FBXL20: variants seen among roughly 807,000 people sequenced by gnomAD.
FBXL20 encodes F-box and leucine rich repeat protein 20, also known as F-box/LRR-repeat protein 20.
Under a neutral mutation model 64.0 loss-of-function variants are expected in FBXL20, and 11 were observed. The ratio of observed to expected loss-of-function variants is 0.17; its 90% CI spans 0.11 to 0.28. FBXL20 has a LOEUF of 0.28. Ranked by LOEUF, FBXL20 falls within the 10% of genes least tolerant of loss-of-function variation. FBXL20 has a pLI of 1.00. For synonymous variants in FBXL20, 184 were observed against 189.0 expected (o/e 0.97, Z 0.22); for missense variants, 303 against 526.2 (o/e 0.58, Z 4.15).
intron 3 of FBXL20, among the ~76,000 whole-genome samples, chr17:39,302,407 T>G (rs1465894565): frequency 6.6e-6 from 1 of 150,928 alleles, no homozygotes; most frequent in Non-Finnish European, 1.5e-5. Context: ...GGAGTCTCGT[T>G]CTGTCGCCCA....
At chr17:39,276,650 C>A (rs2046898602) in intron 9 of FBXL20, among the ~76,000 whole-genome samples, 1 of 152,100 alleles carries the variant, frequency 6.6e-6, no homozygotes, top group African/African-American at 2.4e-5. Flanking sequence ...GCCTGGGCGA[C>A]AGCCTCAGCC....
At chr17:39,402,277 C>A, upstream of FBXL20, 3 of 1,187,510 alleles carry the variant, frequency 2.5e-6, no homozygotes, top group Non-Finnish European at 3.1e-6. Flanking sequence ...GCCGCGCCTC[C>A]GCGGTTGCCG....
At chr17:39,346,055 C>T (rs909331861) in intron 1 of FBXL20, among the ~76,000 whole-genome samples, 1 of 152,100 alleles carries the variant, frequency 6.6e-6, no homozygotes, top group Non-Finnish European at 1.5e-5. Context: ...GGAGTGGTAG[C>T]TCATGCCTGT....
At chr17:39,345,528 C>T (rs1400942980) in intron 1 of FBXL20, among the ~76,000 whole-genome samples, 1 of 150,670 alleles carries the variant, frequency 6.6e-6, no homozygotes, top group East Asian at 1.9e-4. Flanking sequence ...CCCTCAATTT[C>T]ATTTAAAGAA....
intron 2 of FBXL20, among the ~76,000 whole-genome samples, chr17:39,326,796 A>T (rs1344054322): frequency 6.7e-6 from 1 of 150,282 alleles, no homozygotes; most frequent in Non-Finnish European, 1.5e-5. Context: ...ACATATATAC[A>T]CACACGCTTT....
intron 1 of FBXL20, among the ~76,000 whole-genome samples, chr17:39,395,987 T>C (rs1453060372): frequency 6.8e-6 from 1 of 147,104 alleles, no homozygotes; most frequent in Admixed American, 6.8e-5. Flanking sequence ...ACCACAGTCA[T>C]TCAAAGCCAA....
rs1445408962 is a variant in FBXL20 at position 39,253,644 on chromosome 17, G to A, written c.*7816C>T. 6.6e-6 allele frequency: 1 copy of A among 152,252 alleles called. No homozygotes were observed. Among genetic ancestry groups the A allele is most frequent in the Non-Finnish European group, 1.5e-5 (1 of 68,020 alleles). 9.4% of individuals were successfully genotyped at this position (152,252 alleles called of 1,614,324 possible). On this transcript the variant is annotated 3_prime_UTR_variant, in exon 15 of 15. Transcript: ENST00000264658. ...AGTTAGTGTGTAATTTGGAAGTAGG[G>A]TGAGGAGGGGAGTGAGAAGAAATCA...
chr17:39,319,732 A>C (rs934389367), intron 2 of FBXL20, among the ~76,000 whole-genome samples: 2 of 150,040 alleles, frequency 1.3e-5, no homozygotes, highest in African/African-American at 4.9e-5. Context: ...GAGGTAGTGA[A>C]GGCCAGAAAA....
At chr17:39,357,205 G>A (rs1468738441) in intron 1 of FBXL20, among the ~76,000 whole-genome samples, 2 of 151,014 alleles carry the variant, frequency 1.3e-5, no homozygotes, top group African/African-American at 4.9e-5. Flanking sequence ...CCCGGGAGGA[G>A]GAGGTTGAAG....
At chr17:39,268,733 T>C (rs560234971) in intron 12 of FBXL20, 94 bp downstream of exon 12, 82 of 1,068,192 alleles carry the variant, frequency 7.7e-5, no homozygotes, top group Middle Eastern at 6.5e-4. Flanking sequence ...CACTACAGTA[T>C]CCTACACTAG....
chr17:39,355,568 C>G (rs1046422672), intron 1 of FBXL20, among the ~76,000 whole-genome samples: 10 of 151,622 alleles, frequency 6.6e-5, no homozygotes, highest in Non-Finnish European at 1.2e-4. Flanking sequence ...TATACAAGAA[C>G]TCCTGGGCCG....
chr17:39,378,394 T>C (rs938785507), intron 1 of FBXL20, among the ~76,000 whole-genome samples: 2 of 152,064 alleles, frequency 1.3e-5, no homozygotes, highest in African/African-American at 2.4e-5. Context: ...AGATTGAGCA[T>C]AGAAGTTTGA....
In FBXL20 at chr17:39,260,571, C is replaced by T. The variant is rs1459275465; in HGVS notation, c.*889G>A. On this transcript the variant is annotated 3_prime_UTR_variant, in exon 15 of 15. Coordinates refer to ENST00000264658, the MANE Select transcript of FBXL20 (RefSeq NM_032875.3). ...CCTTGCAGGTTGGCAAAGATTCAGG[C>T]AGGGTCCCCTAATGGTAAAATTTAG... 3 of 152,276 alleles carry T rather than the reference C, an allele frequency of 2.0e-5. No individual in the cohort carries two copies. Among genetic ancestry groups the T allele is most frequent in the Non-Finnish European group, 2.9e-5 (2 of 68,038 alleles). The allele number at this position is 152,276 out of a possible 1,614,324, so 9.4% of individuals were successfully genotyped here.
intron 1 of FBXL20, among the ~76,000 whole-genome samples, chr17:39,362,828 CAG>C (rs962437755): frequency 2.7e-5 from 4 of 148,712 alleles, no homozygotes; most frequent in African/African-American, 1.0e-4. Flanking sequence ...CCTTGTTGGC[CAG>C]ACTGGTCATG....
chr17:39,292,822 G>C (rs1314563620), intron 6 of FBXL20, among the ~76,000 whole-genome samples: 1 of 140,226 alleles, frequency 7.1e-6, no homozygotes, highest in Non-Finnish European at 1.5e-5. Context: ...ACTGAGTCTT[G>C]CTCTGTAGCC....
At chr17:39,316,296 C>T (rs567643018) in intron 2 of FBXL20, among the ~76,000 whole-genome samples, 8 of 149,876 alleles carry the variant, frequency 5.3e-5, no homozygotes, top group South Asian at 4.2e-4. Flanking sequence ...TCTACATATA[C>T]ACACACACAC....
Position 39,254,139 on chromosome 17 carries a change from G to C in FBXL20, c.*7321C>G, listed in dbSNP as rs1459464208. 6.6e-6 allele frequency: 1 copy of C among 152,182 alleles called. No individual in the cohort carries two copies. The highest frequency in any genetic ancestry group is 2.1e-4 in the South Asian group (1 of 4,830). The allele number at this position is 152,182 out of a possible 1,614,324, so 9.4% of individuals were successfully genotyped here. A position where few individuals can be genotyped will look rare whatever the true frequency, so the allele number is the denominator to read the frequency against. On this transcript the variant is annotated 3_prime_UTR_variant, in exon 15 of 15. Coordinates refer to ENST00000264658, the MANE Select transcript of FBXL20 (RefSeq NM_032875.3). ...GTTGCCCAGGCTGGAGTGCAGTGGC[G>C]TGATCTCGGCTCACTGCAACATCCG...
At chr17:39,384,265 C>A (rs897995094) in intron 1 of FBXL20, among the ~76,000 whole-genome samples, 4 of 152,060 alleles carry the variant, frequency 2.6e-5, no homozygotes, top group Non-Finnish European at 5.9e-5. Flanking sequence ...CAGTGGCTCA[C>A]GCCTGTAATC....
In FBXL20 at chr17:39,401,604, T is replaced by C; in HGVS notation, c.-202A>G. 1.4e-6 allele frequency: 2 copies of C among 1,403,560 alleles called. No individual in the cohort carries two copies. Among genetic ancestry groups the C allele is most frequent in the African/African-American group, 1.5e-5 (1 of 65,480 alleles). 86.9% of individuals were successfully genotyped at this position (1,403,560 alleles called of 1,614,324 possible). On this transcript the variant is annotated 5_prime_UTR_variant, in exon 1 of 15. Transcript: ENST00000264658. ...CGGCGCCGGCGGCCGCAACGACTGC[T>C]CGTCGCTAGCTCGGCTCTCTCCTCA...
Sources: gnomAD v4.1 joint callset for allele counts (sites outside exome capture counted in the v4.1 genomes callset) on GRCh38, gnomAD v4.1.1 for gene constraint, MANE v1.5 for transcripts, NCBI Gene and HGNC (gene_info 2026-07-23, HGNC 2026-07-21) for gene names.